Variants in TRAM2 observed in about 807,000 individuals in gnomAD.
TRAM2 encodes the protein translocation associated membrane protein 2, also known as translocating chain-associated membrane protein 2.
A neutral mutation model predicts 51.0 loss-of-function variants in TRAM2; 12 were observed. The observed-to-expected ratio is 0.24, with a 90% confidence interval of 0.15 to 0.38. TRAM2 has a LOEUF of 0.38. Ranked by LOEUF, TRAM2 falls within the 10% of genes least tolerant of loss-of-function variation. TRAM2 has a pLI of 1.00. For missense variants in TRAM2, 361 were observed against 462.0 expected, an observed-to-expected ratio of 0.78 and a Z score of 2.00; for synonymous variants, 175 against 179.4, an observed-to-expected ratio of 0.98 and a Z score of 0.20.
chr6:52,532,023 C>T (rs926625202), intron 2 of TRAM2, among the ~76,000 whole-genome samples: 7 of 152,206 alleles, frequency 4.6e-5, no homozygotes, highest in African/African-American at 1.7e-4. Flanking sequence ...ACTACCCCCA[C>T]TCCGCCTTAC....
At chr6:52,526,326 T>C (rs1766781057) in intron 2 of TRAM2, among the ~76,000 whole-genome samples, 1 of 152,168 alleles carries the variant, frequency 6.6e-6, no homozygotes, top group South Asian at 2.1e-4. Flanking sequence ...GAAAGGATAC[T>C]TCCATGACAT....
At chr6:52,503,379 T>C (rs1766277806) in intron 10 of TRAM2, 109 bp from the exon 11 acceptor site, 2 of 964,278 alleles carry the variant, frequency 2.1e-6, no homozygotes, top group East Asian at 2.4e-5. Context: ...CCAGCTGCTA[T>C]ACATGGATGC....
Position 52,554,081 on chromosome 6 carries a change from C to T in TRAM2, c.121-18235G>A, listed in dbSNP as rs1438452051. Among the ~76,000 whole-genome samples the T allele has an allele frequency of 2.0e-5, 3 of 152,134 alleles. No homozygotes were observed. In the East Asian group the frequency reaches 5.8e-4, roughly 29 times the overall value. On this transcript the variant is annotated intron_variant, in intron 1 of 10. Transcript: ENST00000182527. ...CAGCACACCATCTGCCCCAGCCTAC[C>T]AGCCCTGAGCAAGAGGCTCTCCCAG...
intron 2 of TRAM2, among the ~76,000 whole-genome samples, chr6:52,531,988 A>G (rs1189676022): frequency 6.6e-6 from 1 of 152,218 alleles, no homozygotes; most frequent in Non-Finnish European, 1.5e-5. Flanking sequence ...AAATGAAGGC[A>G]TGACATGATC....
chr6:52,535,541 C>G (rs545245778), intron 2 of TRAM2, among the ~76,000 whole-genome samples: 2 of 152,290 alleles, frequency 1.3e-5, no homozygotes, highest in East Asian at 3.9e-4. Flanking sequence ...ATTAGTAGGG[C>G]GTGGTGGCAC....
At chr6:52,543,695 C>T (rs900943010) in intron 1 of TRAM2, among the ~76,000 whole-genome samples, 1 of 152,176 alleles carries the variant, frequency 6.6e-6, no homozygotes, top group Non-Finnish European at 1.5e-5. Context: ...GATGTTTTCG[C>T]TCCGTAAGAC....
At chr6:52,562,938 G>T (rs1228264619) in intron 1 of TRAM2, among the ~76,000 whole-genome samples, 1 of 152,158 alleles carries the variant, frequency 6.6e-6, no homozygotes, top group East Asian at 1.9e-4. Context: ...CACTGACCTG[G>T]ACGTGGTATT....
At chr6:52,558,375 C>A (rs1252867766) in intron 1 of TRAM2, among the ~76,000 whole-genome samples, 1 of 152,114 alleles carries the variant, frequency 6.6e-6, no homozygotes, top group Non-Finnish European at 1.5e-5. Context: ...CACTGGTTTT[C>A]CTATCTGTCT....
chr6:52,546,201 A>C (rs1767196794), intron 1 of TRAM2, among the ~76,000 whole-genome samples: 1 of 152,166 alleles, frequency 6.6e-6, no homozygotes, highest in Non-Finnish European at 1.5e-5. Flanking sequence ...ACTAAAGCAG[A>C]GAGAAGGGAG....
At chr6:52,512,992 G>T (rs1766477347) in intron 4 of TRAM2, among the ~76,000 whole-genome samples, 1 of 152,200 alleles carries the variant, frequency 6.6e-6, no homozygotes, top group African/African-American at 2.4e-5. Flanking sequence ...AAGGAAGTCA[G>T]ACAGGGAAGA....
chr6:52,558,694 G>A (rs1035388137), intron 1 of TRAM2, among the ~76,000 whole-genome samples: 2 of 152,078 alleles, frequency 1.3e-5, no homozygotes, highest in African/African-American at 2.4e-5. Context: ...AGGAAGTATG[G>A]GAGGGTTAAT....
intron 1 of TRAM2, among the ~76,000 whole-genome samples, chr6:52,563,983 T>C (rs1386166243): frequency 6.6e-6 from 1 of 151,598 alleles, no homozygotes; most frequent in African/African-American, 2.4e-5. Context: ...CCAGCATTCC[T>C]AATGTGCTCA....
In TRAM2 at chr6:52,502,904, C is replaced by A; in HGVS notation, c.*293G>T. On this transcript the variant is annotated 3_prime_UTR_variant, in exon 11 of 11. Coordinates refer to ENST00000182527, the MANE Select transcript of TRAM2 (RefSeq NM_012288.4). ...GACAGAGCAAGCAGAAAGGTGCCAG[C>A]CATGGGCGCCTGGCGTTCCAGAAAA... is the stretch of plus-strand genomic sequence containing the variant. The A allele has an allele frequency of 2.4e-6, 1 of 419,858 alleles. No homozygotes were observed. The highest frequency in any genetic ancestry group is 4.5e-5 in the South Asian group (1 of 22,440). 26.0% of individuals were successfully genotyped at this position (419,858 alleles called of 1,614,324 possible).
intron 1 of TRAM2, among the ~76,000 whole-genome samples, chr6:52,536,534 G>T (rs1161740002): frequency 6.6e-6 from 1 of 152,186 alleles, no homozygotes; most frequent in Non-Finnish European, 1.5e-5. Flanking sequence ...AAAACCTGGG[G>T]GTTTGAAGGT....
chr6:52,546,841 A>G (rs1455110338), intron 1 of TRAM2, among the ~76,000 whole-genome samples: 1 of 152,068 alleles, frequency 6.6e-6, no homozygotes, highest in Non-Finnish European at 1.5e-5. Context: ...GGACCAGTCA[A>G]CTCAGGACTG....
intron 1 of TRAM2, among the ~76,000 whole-genome samples, chr6:52,539,310 T>C (rs1767034173): frequency 6.6e-6 from 1 of 152,176 alleles, no homozygotes; most frequent in Non-Finnish European, 1.5e-5. Flanking sequence ...CAACTGGGAA[T>C]GTGAGTGTTG....
chr6:52,513,719 G>A (rs1362058394), intron 4 of TRAM2, among the ~76,000 whole-genome samples: 1 of 152,180 alleles, frequency 6.6e-6, no homozygotes, highest in Non-Finnish European at 1.5e-5. Context: ...AAGATTAGCA[G>A]GGCCCAGATC....
At chr6:52,527,671 G>T (rs1309574615) in intron 2 of TRAM2, among the ~76,000 whole-genome samples, 1 of 152,132 alleles carries the variant, frequency 6.6e-6, no homozygotes, top group Non-Finnish European at 1.5e-5. Flanking sequence ...GCCACTCTGT[G>T]GTTCTGCTTA....
At chr6:52,550,819 T>C (rs1767295723) in intron 1 of TRAM2, among the ~76,000 whole-genome samples, 1 of 151,964 alleles carries the variant, frequency 6.6e-6, no homozygotes, top group African/African-American at 2.4e-5. Flanking sequence ...CCCACCTGCC[T>C]TGGCCTCCCA....
Sources: gnomAD v4.1 joint callset for allele counts (sites outside exome capture counted in the v4.1 genomes callset) on GRCh38, gnomAD v4.1.1 for gene constraint, MANE v1.5 for transcripts, NCBI Gene and HGNC (gene_info 2026-07-23, HGNC 2026-07-21) for gene names.